RIMS1: variants seen among roughly 807,000 people sequenced by gnomAD.
RIMS1 encodes the protein regulating synaptic membrane exocytosis protein 1.
In RIMS1, 83 loss-of-function variants were observed where a neutral mutation model predicts 214.1. The ratio of observed to expected loss-of-function variants is 0.39; its 90% CI spans 0.32 to 0.47. The LOEUF is 0.47. Ranked by LOEUF, RIMS1 falls within the 20% of genes least tolerant of loss-of-function variation. The pLI, the probability that RIMS1 is intolerant of heterozygous loss-of-function variation, is 0.99. For synonymous variants in RIMS1, 793 were observed against 786.8 expected, an observed-to-expected ratio of 1.01 and a Z score of -0.13; for missense variants, 2,050 against 2,161.8, an observed-to-expected ratio of 0.95 and a Z score of 1.03.
chr6:72,112,001 A>G (rs2036182987), intron 4 of RIMS1, among the ~76,000 whole-genome samples: 1 of 152,196 alleles, frequency 6.6e-6, no homozygotes, highest in African/African-American at 2.4e-5. Context: ...ATATATTAGC[A>G]GATGTTTAAT....
intron 1 of RIMS1, among the ~76,000 whole-genome samples, chr6:71,920,588 A>T (rs1377350382): frequency 5.3e-5 from 8 of 152,186 alleles, no homozygotes; most frequent in Admixed American, 5.2e-4. Flanking sequence ...ATTAGTGGGT[A>T]CTCTGTTTAT....
chr6:72,333,118 T>A (rs1259154965), intron 28 of RIMS1, among the ~76,000 whole-genome samples: 6 of 151,922 alleles, frequency 3.9e-5, no homozygotes, highest in Non-Finnish European at 4.4e-5. Context: ...GATGTGTTAG[T>A]TAGAATCCCA....
intron 4 of RIMS1, among the ~76,000 whole-genome samples, chr6:72,108,958 T>C (rs190581131): frequency 1.7e-4 from 26 of 151,010 alleles, no homozygotes; most frequent in African/African-American, 5.8e-4. Flanking sequence ...GTGTCTGGTT[T>C]TTTGTTCTTG....
intron 4 of RIMS1, among the ~76,000 whole-genome samples, chr6:72,112,106 C>T (rs1173446748): frequency 3.3e-5 from 5 of 152,158 alleles, no homozygotes; most frequent in African/African-American, 1.2e-4. Flanking sequence ...ATGACTAACA[C>T]ATTATTAAAG....
At chr6:72,137,797 C>G (rs1289503109) in intron 4 of RIMS1, among the ~76,000 whole-genome samples, 5 of 144,010 alleles carry the variant, frequency 3.5e-5, no homozygotes, top group Admixed American at 2.2e-4. Context: ...AGTGCAGTGG[C>G]ACGATCTCGG....
rs946005065 is a variant in RIMS1, at chr6:72,334,974, A to T, written c.4366+1139A>T. On this transcript the variant is annotated intron_variant, in intron 29 of 33. Coordinates refer to ENST00000521978, the MANE Select transcript of RIMS1 (RefSeq NM_014989.7). Reference sequence around the variant, plus strand: ...CTTCTTTAGAGTCAAGTTCCTTTACAGTAAGTATAAGAGGCATTTTTCATT... The same window carrying T: ...CTTCTTTAGAGTCAAGTTCCTTTACTGTAAGTATAAGAGGCATTTTTCATT... Among the ~76,000 whole-genome samples the T allele has an allele frequency of 4.6e-5, 7 of 152,052 alleles. No homozygotes were observed. In the South Asian group the frequency reaches 1.4e-3, roughly 31 times the overall value.
intron 29 of RIMS1, among the ~76,000 whole-genome samples, chr6:72,342,321 A>G (rs2097121368): frequency 1.3e-5 from 2 of 151,556 alleles, no homozygotes; most frequent in South Asian, 4.2e-4. Context: ...AGTTCTTGTC[A>G]TGGGTGGGAA....
intron 2 of RIMS1, among the ~76,000 whole-genome samples, chr6:72,095,650 T>C (rs2031342022): frequency 6.6e-6 from 1 of 152,324 alleles, no homozygotes; most frequent in South Asian, 2.1e-4. Context: ...ATCACAGAAG[T>C]TCTGCTTAAG....
intron 2 of RIMS1, among the ~76,000 whole-genome samples, chr6:72,018,301 G>T (rs1003184506): frequency 2.0e-5 from 3 of 152,136 alleles, no homozygotes; most frequent in Non-Finnish European, 4.4e-5. Flanking sequence ...AAAGAGTCAA[G>T]AATAATTAAG....
chr6:72,307,428 C>A, intron 27 of RIMS1, 58 bp downstream of exon 27: 2 of 1,120,756 alleles, frequency 1.8e-6, no homozygotes, highest in Non-Finnish European at 2.6e-6. Flanking sequence ...AGTGTGTGTA[C>A]CAGGCAGGAT....
chr6:72,144,939 C>A (rs2042545341), intron 4 of RIMS1, among the ~76,000 whole-genome samples: 1 of 149,518 alleles, frequency 6.7e-6, no homozygotes, highest in South Asian at 2.1e-4. Flanking sequence ...AGCTGGAGTG[C>A]AGTGGCGTGA....
At chr6:71,997,632 C>A (rs1393784645) in intron 2 of RIMS1, among the ~76,000 whole-genome samples, 1 of 152,046 alleles carries the variant, frequency 6.6e-6, no homozygotes, top group African/African-American at 2.4e-5. Context: ...CTCATCACAG[C>A]AAGTTAGATG....
At chr6:72,313,894 G>A (rs546852704) in intron 28 of RIMS1, among the ~76,000 whole-genome samples, 1 of 152,270 alleles carries the variant, frequency 6.6e-6, no homozygotes, top group African/African-American at 2.4e-5. Flanking sequence ...AGTCACATTT[G>A]TAGTAGTTTC....
At chr6:72,340,468 A>G (rs2097028094) in intron 29 of RIMS1, among the ~76,000 whole-genome samples, 2 of 151,986 alleles carry the variant, frequency 1.3e-5, no homozygotes, top group African/African-American at 4.8e-5. Flanking sequence ...TATATAAGGT[A>G]TAAGGAAGGG....
intron 4 of RIMS1, chr6:72,179,355 C>A: frequency 1.8e-6 from 1 of 567,208 alleles, no homozygotes. Flanking sequence ...GAAAAAACCT[C>A]TACTCTGGCT....
chr6:71,943,671 T>C (rs1475089999), intron 1 of RIMS1, among the ~76,000 whole-genome samples: 3 of 152,176 alleles, frequency 2.0e-5, no homozygotes, highest in Admixed American at 6.6e-5. Context: ...TATAATAATA[T>C]AGGCAATAAG....
At chr6:72,096,399 G>A (rs1367408634) in intron 2 of RIMS1, among the ~76,000 whole-genome samples, 1 of 152,144 alleles carries the variant, frequency 6.6e-6, no homozygotes, top group African/African-American at 2.4e-5. Flanking sequence ...AAGACAGATT[G>A]CCCAGCAACA....
At position 72,392,693 on chromosome 6, in the gene RIMS1, G is replaced by A. The variant is rs201556693; in HGVS notation, c.4506-5G>A. 9.7e-5 allele frequency: 155 copies of A among 1,592,800 alleles called. 1 individual carries two copies. The Admixed American group carries it at 2.5e-3, about 26-fold the overall frequency. On this transcript the variant is annotated splice_polypyrimidine_tract_variant and splice_region_variant and intron_variant, in intron 30 of 33. Coordinates refer to ENST00000521978, the MANE Select transcript of RIMS1 (RefSeq NM_014989.7). The stretch of plus-strand genomic sequence containing the variant: ...TTCCTTTGGTTTTTATCCTTTTGCT[G>A]ATAGTTTAATATTTCCTGGAGTGCG...
intron 4 of RIMS1, among the ~76,000 whole-genome samples, chr6:72,159,568 A>G (rs910708889): frequency 1.4e-5 from 2 of 140,788 alleles, no homozygotes; most frequent in Non-Finnish European, 3.2e-5. Context: ...ATTTTTGTGT[A>G]AGGTGTAAGG....
Sources: allele counts gnomAD v4.1 joint callset (sites outside exome capture counted in the v4.1 genomes callset), GRCh38; gene constraint gnomAD v4.1.1; transcripts MANE v1.5; gene names NCBI Gene and HGNC (gene_info 2026-07-23, HGNC 2026-07-21).